Variants in HVCN1 observed in about 807,000 individuals in gnomAD.
The protein encoded by HVCN1 is hydrogen voltage gated channel 1.
Under a neutral mutation model 29.2 loss-of-function variants are expected in HVCN1, and 14 were observed. That is an observed-to-expected ratio of 0.48 (90% CI 0.32 to 0.75). The LOEUF (loss-of-function observed/expected upper bound fraction) is 0.75, where lower values mean the gene tolerates loss of function less well. Among genes scored for constraint, HVCN1 ranks in the 30% least tolerant of loss-of-function variants. The pLI is 0.04. For synonymous variants in HVCN1, 131 were observed against 133.2 expected, an observed-to-expected ratio of 0.98 and a Z score of 0.11; for missense variants, 263 against 341.8, an observed-to-expected ratio of 0.77 and a Z score of 1.82.
At position 110,661,213 on chromosome 12, in the gene HVCN1, AG is replaced by A. The variant is rs775475972; in HGVS notation, c.256del (p.Asp87ThrfsTer6). 1.9e-6 allele frequency: 3 copies of A among 1,613,594 alleles called. No individual in the cohort carries two copies. The highest frequency in any genetic ancestry group is 3.3e-5 in the Admixed American group (2 of 60,006). On this transcript the variant is annotated frameshift_variant, in exon 4 of 8. Transcript: ENST00000242607. LOFTEE classifies it high-confidence loss of function. The surrounding 1 kb of genome is among the most constrained non-coding windows in gnomAD (Gnocchi z 6.2). ...PAPGPAPRAP[L>X]DFRGMLRKLF... ...TTTCCTCAACATGCCCCTGAAGTCA[AG>A]GGGGGCCCTGGGTGCGGGGCCAGGG...
At chr12:110,652,999 G>C (rs928641718) in intron 5 of HVCN1, among the ~76,000 whole-genome samples, 72 of 152,182 alleles carry the variant, frequency 4.7e-4, no homozygotes, top group Non-Finnish European at 4.6e-4. Context: ...ACTCCCTGCT[G>C]ATCAAGCCCT....
intron 3 of HVCN1, among the ~76,000 whole-genome samples, chr12:110,680,233 T>C (rs1349576533): frequency 6.6e-6 from 1 of 152,110 alleles, no homozygotes; most frequent in African/African-American, 2.4e-5. Context: ...TCAGGCTAGC[T>C]TCTGTGTGAT....
rs116534682 is a variant in HVCN1, at chr12:110,661,575, G to A, written c.22-127C>T. 2.4e-3 allele frequency: 1,900 copies of A among 779,538 alleles called. 29 individuals carry two copies. In the African/African-American group the frequency reaches 0.03, roughly 12 times the overall value. The allele number at this position is 779,538 out of a possible 1,614,324, so 48.3% of individuals were successfully genotyped here. A position where few individuals can be genotyped will look rare whatever the true frequency, so the allele number is the denominator to read the frequency against. On this transcript the variant is annotated intron_variant, in intron 3 of 7. Transcript: ENST00000242607. The surrounding 1 kb of genome is among the most constrained non-coding windows in gnomAD (Gnocchi z 6.2). ...GTGCGTAGAACCCCCTGCAAGCAGA[G>A]ACCATGAGGTCACGGTGGTTTCTCG...
In HVCN1 at chr12:110,661,515, C is replaced by T. The variant is rs1325992721; in HGVS notation, c.22-67G>A. ...CCACTCAGAGCCCACATGGCCCAGG[C>T]CGGGCCAGGCCACTGCAGGTGAAGA... On this transcript the variant is annotated intron_variant, in intron 3 of 7. Transcript: ENST00000242607. The surrounding 1 kb of genome is among the most constrained non-coding windows in gnomAD (Gnocchi z 6.2). 6.6e-7 allele frequency: 1 copy of T among 1,508,806 alleles called. No individual in the cohort carries two copies. The highest frequency in any genetic ancestry group is 9.0e-7 in the Non-Finnish European group (1 of 1,106,572). The allele number at this position is 1,508,806 out of a possible 1,614,324, so 93.5% of individuals were successfully genotyped here.
rs767328878 is a variant in HVCN1, at chr12:110,650,194, G to T, written c.730C>A (p.His244Asn). ...MNVQLAAKIQHLEFSCSEKEQ... is the reference protein window; with the variant it reads ...MNVQLAAKIQNLEFSCSEKEQ... ...TTCTCAGAGCAGCTGAACTCAAGGT[G>T]TTGAATCTTGGCGGCCAATTGTACA... Residue 244 changes from histidine (H) to asparagine (N), a missense_variant, in exon 7 of 8, where the codon CAC (histidine) becomes AAC (asparagine). His to Asn is a moderately conservative substitution (Grantham distance 68). Transcript: ENST00000242607. The T allele has an allele frequency of 8.1e-6, 13 of 1,612,620 alleles. No individual in the cohort carries two copies. Among genetic ancestry groups the T allele is most frequent in the African/African-American group, 1.3e-5 (1 of 74,894 alleles).
At position 110,655,330 on chromosome 12, in the gene HVCN1, G is replaced by A. The variant is rs778263828; in HGVS notation, c.315C>T (p.Ile105=). The change falls in exon 5 of 8, where the codon ATC becomes ATT. Residue 105 remains isoleucine (I), a synonymous_variant. Coordinates refer to ENST00000242607, the MANE Select transcript of HVCN1 (RefSeq NM_032369.4). ...GGGCATCCAGAACCACCAAGCAGAT[G>A]ATGATGACCTGTGGGCCGAGGGAAG... ...LFSSHRFQVI[I]ICLVVLDALL... is the part of the protein sequence containing the mutation. 106 of 1,613,264 alleles carry A rather than the reference G, an allele frequency of 6.6e-5. No individual in the cohort carries two copies. In the Admixed American group the frequency reaches 9.3e-4, roughly 14 times the overall value.
intron 1 of HVCN1, chr12:110,702,509 G>A (rs2069573417): frequency 2.6e-5 from 4 of 152,018 alleles, no homozygotes; most frequent in Admixed American, 2.6e-4. Context: ...TTGAGACAGA[G>A]TCTTGCTCTG....
rs764590661 is a variant in HVCN1, at chr12:110,683,209, C to A, written c.21+16G>T. ...TGGGATATCCTCTAATGCTGCAAGA[C>A]CACAGAATCCATTACCTTTTCGTCC... is the stretch of plus-strand genomic sequence containing the variant. On this transcript the variant is annotated intron_variant, in intron 3 of 7. Coordinates refer to ENST00000242607, the MANE Select transcript of HVCN1 (RefSeq NM_032369.4). 8.1e-6 allele frequency: 13 copies of A among 1,613,630 alleles called. No homozygotes were observed. The highest frequency in any genetic ancestry group is 4.4e-5 in the South Asian group (4 of 90,962).
At chr12:110,683,138 C>A (rs2069046697) in intron 3 of HVCN1, 87 bp downstream of exon 3, 10 of 1,542,142 alleles carry the variant, frequency 6.5e-6, no homozygotes, top group Admixed American at 1.7e-5. Flanking sequence ...ACAGGGAGTT[C>A]TCCCTCTCCT....
chr12:110,651,526 G>A, intron 5 of HVCN1, 78 bp from the exon 6 acceptor site: 1 of 890,968 alleles, frequency 1.1e-6, no homozygotes, highest in Non-Finnish European at 1.9e-6. Flanking sequence ...CACCTGCCTG[G>A]TCACCAGCAA....
intron 3 of HVCN1, among the ~76,000 whole-genome samples, chr12:110,673,989 T>C (rs2068666594): frequency 6.6e-6 from 1 of 152,166 alleles, no homozygotes. Flanking sequence ...CCCAGAATGG[T>C]AGATCCACCA....
At chr12:110,704,091 A>G (rs991647652) in intron 1 of HVCN1, among the ~76,000 whole-genome samples, 4 of 152,168 alleles carry the variant, frequency 2.6e-5, no homozygotes, top group South Asian at 4.1e-4. Context: ...AACAGAGATC[A>G]CCTAAGTTGA....
At position 110,682,987 on chromosome 12, in the gene HVCN1, C is replaced by A. The variant is rs994631737; in HGVS notation, c.21+238G>T. 39 of 428,180 alleles carry A rather than the reference C, an allele frequency of 9.1e-5. 1 individual carries two copies. The highest frequency in any genetic ancestry group is 1.3e-4 in the Non-Finnish European group (31 of 240,336). 26.5% of individuals were successfully genotyped at this position (428,180 alleles called of 1,614,324 possible). ...CTCAAAAAAAAAAAAACAAAAAAAACCGCACATAGTTATTAACATACAGGG... is the reference window on the plus strand; with the variant it reads ...CTCAAAAAAAAAAAAACAAAAAAAAACGCACATAGTTATTAACATACAGGG... On this transcript the variant is annotated intron_variant, in intron 3 of 7. Coordinates refer to ENST00000242607, the MANE Select transcript of HVCN1 (RefSeq NM_032369.4).
chr12:110,687,956 G>A (rs1480521513), intron 2 of HVCN1: 24 of 152,570 alleles, frequency 1.6e-4, no homozygotes, highest in Admixed American at 1.5e-3. Flanking sequence ...GTCAGCCAGA[G>A]AAGTTGCCAC....
At chr12:110,680,260 G>T (rs896136698) in intron 3 of HVCN1, among the ~76,000 whole-genome samples, 1 of 152,062 alleles carries the variant, frequency 6.6e-6, no homozygotes, top group Non-Finnish European at 1.5e-5. Context: ...CAGGCTCCAG[G>T]CTCCAGGTTC....
intron 2 of HVCN1, among the ~76,000 whole-genome samples, chr12:110,687,264 C>CCG (rs1555238961): frequency 1.3e-5 from 2 of 149,574 alleles, no homozygotes; most frequent in South Asian, 4.2e-4. Context: ...CACACCCCCC[C>CCG]CCCCCAGCTA....
At chr12:110,651,508 C>T in intron 5 of HVCN1, 60 bp from the exon 6 acceptor site, 2 of 1,076,170 alleles carry the variant, frequency 1.9e-6, no homozygotes, top group Non-Finnish European at 2.9e-6. Flanking sequence ...TCAAGCTGCC[C>T]TCACATGCAC....
rs1361534880 is a variant in HVCN1 at position 110,701,897 on chromosome 12, AC to A, written c.-104+411del. On this transcript the variant is annotated intron_variant, in intron 2 of 4. Transcript: ENST00000546713. ...CAACAAGAACAAAACAACAACAACA[AC>A]AACAACAACAACAACAACAAAACAC... 6.6e-5 allele frequency among the ~76,000 whole-genome samples: 10 copies of A among 150,534 alleles called. No homozygotes were observed. In the East Asian group the frequency reaches 1.8e-3, roughly 27 times the overall value.
intron 4 of HVCN1, among the ~76,000 whole-genome samples, chr12:110,657,329 A>G (rs766232096): frequency 2.0e-5 from 3 of 152,132 alleles, no homozygotes; most frequent in Non-Finnish European, 4.4e-5. Context: ...CCCTGTTTCT[A>G]CTAAACATAC....
Sources: allele counts gnomAD v4.1 joint callset (sites outside exome capture counted in the v4.1 genomes callset), GRCh38; gene constraint gnomAD v4.1.1; non-coding constraint Gnocchi (gnomAD v3.1); transcripts MANE v1.5; gene names NCBI Gene and HGNC (gene_info 2026-07-23, HGNC 2026-07-21).